The following COL6A5 variants were observed in gnomAD, a reference collection of about 807,000 sequenced individuals.
COL6A5 encodes collagen type VI alpha 5 chain.
In COL6A5, 48 loss-of-function variants were observed where a neutral mutation model predicts 65.6. The ratio of observed to expected loss-of-function variants is 0.73; its 90% CI spans 0.58 to 0.93. The LOEUF (loss-of-function observed/expected upper bound fraction) is 0.93. COL6A5 is among the 40% of genes least tolerant of loss of function. COL6A5 has a pLI of 0.00. For synonymous variants in COL6A5, 291 were observed against 322.8 expected (o/e 0.90, Z 1.05); for missense variants, 914 against 928.3 (o/e 0.98, Z 0.20).
intron 8 of COL6A5, 56 bp from the exon 9 acceptor site, chr3:130,397,527 C>T: frequency 1.4e-6 from 2 of 1,381,236 alleles, no homozygotes; most frequent in Admixed American, 2.4e-5. Context: ...TCTGCCGTCT[C>T]TCCTTCCTTA....
chr3:130,454,325 ACATGATGACATGATTCTCCAC>A (rs1199332184), intron 4 of COL6A5, among the ~76,000 whole-genome samples: 1 of 152,182 alleles, frequency 6.6e-6, no homozygotes, highest in Non-Finnish European at 1.5e-5. Context: ...CTCCTCTGTT[ACATGATGACATGATTCTCCAC>A]CACATATCTT....
upstream of COL6A5, among the ~76,000 whole-genome samples, chr3:130,426,601 G>A (rs4688762): frequency 0.59 from 89,344 of 151,910 alleles, 28,046 homozygotes; most frequent in Non-Finnish European, 0.71. Context: ...AAGTGCCTTC[G>A]CTCATGAGGG....
At chr3:130,417,045 G>T (rs544100005) in intron 24 of COL6A5, among the ~76,000 whole-genome samples, 3 of 151,374 alleles carry the variant, frequency 2.0e-5, no homozygotes, top group Non-Finnish European at 4.4e-5. Context: ...TTTAAGCCCC[G>T]CATGCATTAG....
intron 1 of COL6A5, 70 bp from the exon 34 acceptor site, chr3:130,439,452 C>A: frequency 8.9e-7 from 1 of 1,126,318 alleles, no homozygotes. Flanking sequence ...TTAAACTAAT[C>A]CTTAAAGTGG....
exon 6 of COL6A5, chr3:130,388,690 A>G (rs906158652): frequency 6.4e-7 from 1 of 1,551,204 alleles, no homozygotes; most frequent in African/African-American, 1.4e-5. Context: ...GTTAACTAAA[A>G]TTCAAATTGG....
chr3:130,459,730 T>G (rs898506285), intron 5 of COL6A5, among the ~76,000 whole-genome samples: 2 of 152,042 alleles, frequency 1.3e-5, no homozygotes, highest in African/African-American at 4.8e-5. Flanking sequence ...ACTATATTTT[T>G]TTTTTACAAA....
intron 1 of COL6A5, among the ~76,000 whole-genome samples, chr3:130,352,107 T>C (rs1170167001): frequency 6.6e-6 from 1 of 151,970 alleles, no homozygotes; most frequent in African/African-American, 2.4e-5. Flanking sequence ...AATTGAACAA[T>C]GAGAACACTT....
chr3:130,434,115 T>C (rs975564036), intron 1 of COL6A5, among the ~76,000 whole-genome samples: 9 of 152,098 alleles, frequency 5.9e-5, no homozygotes, highest in African/African-American at 2.2e-4. Flanking sequence ...CAGGCCCTGG[T>C]GTGTGTTGTT....
chr3:130,468,346 A>G (rs766793329), intron 5 of COL6A5, among the ~76,000 whole-genome samples: 129 of 152,028 alleles, frequency 8.5e-4, no homozygotes, highest in Admixed American at 3.2e-3. Flanking sequence ...TTGAACACAT[A>G]TATAAAGGTT....
chr3:130,463,039 T>C (rs1709735241), intron 5 of COL6A5, among the ~76,000 whole-genome samples: 2 of 152,128 alleles, frequency 1.3e-5, no homozygotes, highest in Admixed American at 1.3e-4. Context: ...ATGATGATTA[T>C]TCTGCCCTCA....
rs142542153 is a variant in COL6A5, at chr3:130,348,299, G to C, written c.-29+2318G>C. 9.9e-3 allele frequency among the ~76,000 whole-genome samples: 1,507 copies of C among 152,186 alleles called. 17 individuals are homozygous for C. Among genetic ancestry groups the C allele is most frequent in the South Asian group, 0.08 (385 of 4,808 alleles). ...TCCCCCAACTCCCTGACAGGCCCTG[G>C]TGTGTGATGTTCCCCTCCCTGTGTC... On this transcript the variant is annotated intron_variant and NMD_transcript_variant, in intron 1 of 41. Transcript: ENST00000312481.
Position 130,384,660 on chromosome 3 carries a change from CTG to C in COL6A5, c.1301-141_1301-140del, listed in dbSNP as rs1252666006. ...ATTTCAAAGGAGAAAATGGGCATGA[CTG>C]TGCTTAATGAAGTGTGCAGGCTCTA... On this transcript the variant is annotated intron_variant and NMD_transcript_variant, in intron 4 of 41. Coordinates refer to the COL6A5 transcript ENST00000312481. The C allele has an allele frequency of 3.7e-5, 23 of 622,954 alleles. No homozygotes were observed. In the East Asian group the frequency reaches 6.5e-4, roughly 18 times the overall value. 38.6% of individuals were successfully genotyped at this position (622,954 alleles called of 1,614,324 possible).
chr3:130,358,965 G>C (rs1176710084), intron 1 of COL6A5, among the ~76,000 whole-genome samples: 2 of 152,090 alleles, frequency 1.3e-5, no homozygotes, highest in Non-Finnish European at 2.9e-5. Flanking sequence ...TTGATATAAA[G>C]AAGTACTATG....
intron 1 of COL6A5, among the ~76,000 whole-genome samples, chr3:130,349,643 A>G (rs895410105): frequency 3.3e-5 from 5 of 152,198 alleles, no homozygotes; most frequent in Non-Finnish European, 7.3e-5. Context: ...TAGATAACTA[A>G]TTTATAATTT....
At chr3:130,377,217 T>C (rs1056853236) in intron 3 of COL6A5, among the ~76,000 whole-genome samples, 1 of 152,130 alleles carries the variant, frequency 6.6e-6, no homozygotes, top group East Asian at 1.9e-4. Flanking sequence ...TTCCCCACCA[T>C]CACGAAGCAA....
chr3:130,387,181 A>G (rs1210598260), intron 5 of COL6A5, among the ~76,000 whole-genome samples: 3 of 152,062 alleles, frequency 2.0e-5, no homozygotes, highest in Non-Finnish European at 2.9e-5. Flanking sequence ...TTTTAATGGT[A>G]AGACCCAGAA....
At chr3:130,371,578 A>C (rs1412681057) in intron 1 of COL6A5, among the ~76,000 whole-genome samples, 1 of 152,184 alleles carries the variant, frequency 6.6e-6, no homozygotes, top group East Asian at 1.9e-4. Context: ...GGTGAAAGAA[A>C]AGTCTTTTCA....
chr3:130,445,261 T>A (rs759620895), intron 4 of COL6A5, among the ~76,000 whole-genome samples: 3 of 152,212 alleles, frequency 2.0e-5, no homozygotes, highest in Non-Finnish European at 2.9e-5. Context: ...ATTAATTAAA[T>A]GTATTGAGGG....
intron 1 of COL6A5, among the ~76,000 whole-genome samples, chr3:130,355,207 A>C (rs767165445): frequency 1.0e-3 from 155 of 152,220 alleles, no homozygotes; most frequent in Non-Finnish European, 1.7e-3. Flanking sequence ...CTGGGAGTGC[A>C]CATTCTATTT....
Sources: allele counts gnomAD v4.1 joint callset (sites outside exome capture counted in the v4.1 genomes callset), GRCh38; gene constraint gnomAD v4.1.1; transcripts MANE v1.5; gene names NCBI Gene and HGNC (gene_info 2026-07-23, HGNC 2026-07-21).